TBC1D4: variants seen among roughly 807,000 people sequenced by gnomAD.
TBC1D4 encodes the protein TBC (Tre-2, BUB2, CDC16) domain-containing protein.
TBC1D4 carries 121 observed loss-of-function variants against 142.5 expected under a neutral mutation model. That is an observed-to-expected ratio of 0.85 (90% confidence interval 0.73 to 0.99). TBC1D4 has a LOEUF of 0.99. Among genes scored for constraint, TBC1D4 ranks in the 50% least tolerant of loss-of-function variants. TBC1D4 has a pLI of 0.00. For synonymous variants in TBC1D4, 630 were observed against 628.2 expected (o/e 1.00, Z -0.04); for missense variants, 1,475 against 1,606.6 (o/e 0.92, Z 1.40).
At chr13:75,383,323 C>T (rs533390700) in intron 1 of TBC1D4, among the ~76,000 whole-genome samples, 80 of 152,208 alleles carry the variant, frequency 5.3e-4, no homozygotes, top group East Asian at 3.1e-3. Context: ...ACCTTGTCTC[C>T]CCAACAACAA....
chr13:75,380,793 AAG>A (rs1446558145), intron 1 of TBC1D4, among the ~76,000 whole-genome samples: 1 of 152,180 alleles, frequency 6.6e-6, no homozygotes, highest in African/African-American at 2.4e-5. Flanking sequence ...ATGCCACTGG[AAG>A]AGTTTTCATC....
At chr13:75,324,534 A>AT in intron 10 of TBC1D4, 133 bp from the exon 11 acceptor site, 1 of 1,044,408 alleles carries the variant, frequency 9.6e-7, no homozygotes, top group Non-Finnish European at 1.4e-6. Flanking sequence ...GCTGGATCTT[A>AT]CATGAAAAAA....
chr13:75,351,503 TG>T (rs1338324910), intron 4 of TBC1D4, among the ~76,000 whole-genome samples: 1 of 152,210 alleles, frequency 6.6e-6, no homozygotes, highest in East Asian at 1.9e-4. Context: ...TGCGCCATGT[TG>T]GTGTGCTGCA....
chr13:75,391,560 CTG>C (rs974314343), intron 1 of TBC1D4, among the ~76,000 whole-genome samples: 5 of 152,340 alleles, frequency 3.3e-5, no homozygotes, highest in Admixed American at 6.5e-5. Context: ...GGACACTTCA[CTG>C]TGCTAGGTTT....
chr13:75,312,676 C>A (rs770076194), intron 13 of TBC1D4, 62 bp downstream of exon 13: 3 of 1,599,224 alleles, frequency 1.9e-6, no homozygotes, highest in Non-Finnish European at 2.6e-6. Context: ...ACAGCACGTG[C>A]ATTCCATTAG....
intron 1 of TBC1D4, among the ~76,000 whole-genome samples, chr13:75,373,518 C>T: frequency 6.6e-6 from 1 of 152,266 alleles, no homozygotes; most frequent in Admixed American, 6.5e-5. Flanking sequence ...CGGACTTGCA[C>T]TTTTTGTGGG....
chr13:75,344,680 G>A (rs1881009818), intron 5 of TBC1D4, among the ~76,000 whole-genome samples: 2 of 152,096 alleles, frequency 1.3e-5, no homozygotes, highest in Admixed American at 6.6e-5. Flanking sequence ...CACAGAGATG[G>A]CTGACTGTTC....
chr13:75,382,735 T>C (rs917049139), intron 1 of TBC1D4, among the ~76,000 whole-genome samples: 2 of 152,226 alleles, frequency 1.3e-5, no homozygotes, highest in Non-Finnish European at 1.5e-5. Context: ...AGATGTGCTA[T>C]GTGCTTGACA....
At position 75,481,658 on chromosome 13, in the gene TBC1D4, C is replaced by G. The variant is rs752601636; in HGVS notation, c.110G>C (p.Arg37Pro). The G allele has an allele frequency of 1.9e-6, 3 of 1,602,398 alleles. No individual in the cohort carries two copies. The Admixed American group carries it at 5.1e-5, about 27-fold the overall frequency. The change falls in exon 1 of 21, where the codon CGG (arginine) becomes CCG (proline). Residue 37 changes from arginine (R) to proline (P), a missense_variant. Around this residue, in one of 2 missense-constraint regions of TBC1D4, gnomAD observed 1,227 missense variants for 1,267.7 expected, o/e 0.97. Transcript: ENST00000377636. ...GPGKPSDKRF[R>P]LWYVGGSCLD... ...GCACGACCCCCCAACGTACCACAGCCGGAACCGCTTATCGCTTGGCTTCCC... is the reference window on the plus strand; with the variant it reads ...GCACGACCCCCCAACGTACCACAGCGGGAACCGCTTATCGCTTGGCTTCCC...
At chr13:75,452,742 T>C (rs570239849) in intron 1 of TBC1D4, among the ~76,000 whole-genome samples, 98 of 152,302 alleles carry the variant, frequency 6.4e-4, no homozygotes, top group African/African-American at 2.3e-3. Flanking sequence ...ATCCCTGATA[T>C]ATGAGTGATA....
intron 1 of TBC1D4, among the ~76,000 whole-genome samples, chr13:75,377,652 A>T (rs1167433509): frequency 6.7e-6 from 1 of 149,000 alleles, no homozygotes; most frequent in Non-Finnish European, 1.5e-5. Flanking sequence ...AAAAATATAT[A>T]TTATATATAT....
intron 1 of TBC1D4, among the ~76,000 whole-genome samples, chr13:75,469,492 C>T (rs1008860751): frequency 3.3e-5 from 5 of 152,120 alleles, no homozygotes; most frequent in Admixed American, 3.3e-4. Flanking sequence ...GAATTTTGGC[C>T]AGGTGCTGTG....
chr13:75,472,659 CA>C (rs1435571888), intron 1 of TBC1D4, among the ~76,000 whole-genome samples: 84 of 152,188 alleles, frequency 5.5e-4, no homozygotes, highest in African/African-American at 1.9e-3. Context: ...GGCCAGCTTC[CA>C]TGACTAGAAA....
intron 1 of TBC1D4, among the ~76,000 whole-genome samples, chr13:75,443,851 C>T (rs762464821): frequency 6.6e-6 from 1 of 152,070 alleles, no homozygotes; most frequent in Non-Finnish European, 1.5e-5. Flanking sequence ...AAGCACTTAA[C>T]GACTACCAGC....
At chr13:75,296,333 T>C (rs1875924625) in intron 17 of TBC1D4, among the ~76,000 whole-genome samples, 1 of 152,160 alleles carries the variant, frequency 6.6e-6, no homozygotes, top group Admixed American at 6.5e-5. Flanking sequence ...AGTATTTTGG[T>C]AAGCACAAAA....
At chr13:75,405,625 T>C (rs1162130554) in intron 1 of TBC1D4, among the ~76,000 whole-genome samples, 1 of 152,214 alleles carries the variant, frequency 6.6e-6, no homozygotes, top group Non-Finnish European at 1.5e-5. Context: ...CCTGAAAGGA[T>C]GAAAAATTGA....
chr13:75,359,127 C>T (rs1882296932), intron 3 of TBC1D4, among the ~76,000 whole-genome samples: 1 of 152,004 alleles, frequency 6.6e-6, no homozygotes, highest in African/African-American at 2.4e-5. Flanking sequence ...CTTAGAGGTG[C>T]ATTTTTTAAC....
chr13:75,456,882 G>T (rs915141487), intron 1 of TBC1D4, among the ~76,000 whole-genome samples: 37 of 151,644 alleles, frequency 2.4e-4, no homozygotes, highest in African/African-American at 8.2e-4. Flanking sequence ...TCACAAGTTT[G>T]TAACAATACA....
intron 3 of TBC1D4, 47 bp from the exon 4 acceptor site, chr13:75,356,298 T>C (rs980223916): frequency 2.3e-6 from 3 of 1,318,284 alleles, no homozygotes; most frequent in Middle Eastern, 2.0e-4. Flanking sequence ...GGAATATATA[T>C]TTTTTACTCA....
Sources: gnomAD v4.1 joint callset for allele counts (sites outside exome capture counted in the v4.1 genomes callset) on GRCh38, gnomAD v4.1.1 for gene constraint, gnomAD v4.1.1 regional missense constraint, MANE v1.5 for transcripts, NCBI Gene and HGNC (gene_info 2026-07-23, HGNC 2026-07-21) for gene names.